MAP3K19: variants seen among roughly 807,000 people sequenced by gnomAD.
MAP3K19 encodes the protein SPS1/STE20-related protein kinase YSK4.
Under a neutral mutation model 114.4 loss-of-function variants are expected in MAP3K19, and 91 were observed. The ratio of observed to expected loss-of-function variants is 0.80; its 90% CI spans 0.67 to 0.95. The LOEUF (loss-of-function observed/expected upper bound fraction) is 0.95. Ranked by LOEUF, MAP3K19 falls within the 40% of genes least tolerant of loss-of-function variation. The pLI is 0.00. For missense variants in MAP3K19, 1,471 were observed against 1,573.2 expected, an observed-to-expected ratio of 0.94 and a Z score of 1.10; for synonymous variants, 518 against 530.5, an observed-to-expected ratio of 0.98 and a Z score of 0.32.
intron 12 of MAP3K19, among the ~76,000 whole-genome samples, chr2:134,968,529 C>T (rs1434517963): frequency 5.4e-5 from 8 of 149,316 alleles, no homozygotes; most frequent in Non-Finnish European, 8.9e-5. Context: ...GGCTGCCGGG[C>T]GGAGACGCTC....
intron 5 of MAP3K19, among the ~76,000 whole-genome samples, chr2:135,013,276 C>T (rs553767076): frequency 4.0e-5 from 6 of 150,706 alleles, no homozygotes; most frequent in Middle Eastern, 3.4e-3. Flanking sequence ...GCCAAGATCG[C>T]GCTCCAGCCT....
intron 2 of MAP3K19, among the ~76,000 whole-genome samples, chr2:135,038,378 C>T (rs1574058396): frequency 6.6e-6 from 1 of 151,992 alleles, no homozygotes; most frequent in Admixed American, 6.6e-5. Context: ...CTCAAGCAAT[C>T]CTCCCACCTC....
intron 9 of MAP3K19, among the ~76,000 whole-genome samples, chr2:134,990,291 T>C (rs529519468): frequency 4.8e-4 from 73 of 152,224 alleles, no homozygotes; most frequent in Non-Finnish European, 9.7e-4. Context: ...TATATGTGGA[T>C]TTTCTTCCTC....
rs1336392617 is a variant in MAP3K19, at chr2:134,987,592, G to A, written c.1280C>T (p.Ala427Val). 6.2e-7 allele frequency: 1 copy of A among 1,613,998 alleles called. No homozygotes were observed. The highest frequency in any genetic ancestry group is 1.1e-5 in the South Asian group (1 of 91,084). ...TTCTAAAATATTGTTTGGTTCCATT[G>A]CTTCATTTTTATGTAATGAAACTCT... ...SKRVSLHKNEAMEPNNILEEC... is the reference protein window; with the variant it reads ...SKRVSLHKNEVMEPNNILEEC... Residue 427 changes from alanine (A) to valine (V), a missense_variant, in exon 10 of 13, where the codon GCA becomes GTA. Physicochemically the swap from Ala to Val is moderately conservative, Grantham distance 64. Coordinates refer to ENST00000392915, the MANE Select transcript of MAP3K19 (RefSeq NM_025052.5).
chr2:135,033,282 G>T (rs1431192036), intron 2 of MAP3K19, among the ~76,000 whole-genome samples: 1 of 121,502 alleles, frequency 8.2e-6, no homozygotes, highest in African/African-American at 4.1e-5. Flanking sequence ...GCGGCTGGCC[G>T]GGCAGAGGGG....
At chr2:134,977,731 A>C (rs1340959467) in intron 12 of MAP3K19, among the ~76,000 whole-genome samples, 2 of 151,622 alleles carry the variant, frequency 1.3e-5, no homozygotes, top group African/African-American at 4.9e-5. Context: ...TCCTGCGCTC[A>C]ATCAGTTATT....
chr2:135,027,031 AG>A (rs1688270843), intron 3 of MAP3K19, among the ~76,000 whole-genome samples: 1 of 152,200 alleles, frequency 6.6e-6, no homozygotes, highest in Non-Finnish European at 1.5e-5. Context: ...GAGCAGCTTG[AG>A]GGCAGGGGTT....
chr2:135,004,155 TTA>T (rs1258249984), intron 6 of MAP3K19, among the ~76,000 whole-genome samples: 2 of 152,160 alleles, frequency 1.3e-5, no homozygotes, highest in African/African-American at 4.8e-5. Flanking sequence ...AAATGGTGAG[TTA>T]TCTCCATATG....
rs74529633 is a variant in MAP3K19 at position 134,965,686 on chromosome 2, T to A, written c.3921-770A>T. On this transcript the variant is annotated intron_variant, in intron 12 of 12. Coordinates refer to ENST00000392915, the MANE Select transcript of MAP3K19 (RefSeq NM_025052.5). ...CCTACCCGCTACATTGTGCAACCAC[T>A]TTCTTTATTGATATATAATGAGTAT... 1.7e-3 allele frequency among the ~76,000 whole-genome samples: 253 copies of A among 152,334 alleles called. 3 individuals are homozygous for A. Among genetic ancestry groups the A allele is most frequent in the South Asian group, 0.011 (53 of 4,832 alleles).
chr2:134,988,493 C>G (rs1017739092), intron 9 of MAP3K19, among the ~76,000 whole-genome samples: 7 of 152,084 alleles, frequency 4.6e-5, no homozygotes, highest in Admixed American at 3.9e-4. Flanking sequence ...TGGGCTCAAG[C>G]GATCCTCCCA....
rs867232828 is a variant in MAP3K19 at position 135,018,210 on chromosome 2, G to C, written c.138+3505C>G. 1.3e-4 allele frequency among the ~76,000 whole-genome samples: 18 copies of C among 137,634 alleles called. 1 individual carries two copies. In the South Asian group the frequency reaches 4.3e-3, roughly 33 times the overall value. The allele number at this position is 137,634 out of a possible 152,430, so 90.3% of individuals were successfully genotyped here. A position where few individuals can be genotyped will look rare whatever the true frequency, so the allele number is the denominator to read the frequency against. ...AGAGGCTGAGTTAGGACAATCACTT[G>C]AACCCGGGCAGCGGAGGTTGTGGTG... is the stretch of plus-strand genomic sequence containing the variant. On this transcript the variant is annotated intron_variant, in intron 5 of 12. Transcript: ENST00000392915.
intron 2 of MAP3K19, among the ~76,000 whole-genome samples, chr2:135,038,415 G>A (rs963165893): frequency 6.6e-6 from 1 of 152,068 alleles, no homozygotes; most frequent in South Asian, 2.1e-4. Flanking sequence ...GGGATTACAG[G>A]CCTGAGCCAC....
At position 134,988,008 on chromosome 2, in the gene MAP3K19, G is replaced by T; in HGVS notation, c.864C>A (p.Asn288Lys). ...RSSDGFIWSR[N>K]MCSFPKTNHH... ...GGTTAGTCTTAGGAAAAGAGCACAT[G>T]TTTCTTGACCAAATGAAGCCATCAG... The change falls in exon 10 of 13, where the codon AAC becomes AAA. Residue 288 changes from asparagine to lysine, a missense_variant. Transcript: ENST00000392915. 4 of 1,614,160 alleles carry T rather than the reference G, an allele frequency of 2.5e-6. No homozygotes were observed. The highest frequency in any genetic ancestry group is 3.4e-6 in the Non-Finnish European group (4 of 1,180,034).
At chr2:135,018,098 C>T (rs1007422395) in intron 5 of MAP3K19, among the ~76,000 whole-genome samples, 21 of 151,888 alleles carry the variant, frequency 1.4e-4, no homozygotes, top group Admixed American at 6.6e-5. Flanking sequence ...TCAAGACCAG[C>T]CTGACCAACA....
Position 134,987,205 on chromosome 2 carries a change from G to A in MAP3K19, c.1667C>T (p.Thr556Ile). The A allele has an allele frequency of 1.2e-6, 2 of 1,614,180 alleles. No homozygotes were observed. Among genetic ancestry groups the A allele is most frequent in the Non-Finnish European group, 1.7e-6 (2 of 1,180,018 alleles). ...KKTPQNFVIS[T>I]EGPIKPTMHK... Reference sequence around the variant, plus strand: ...CATGGTAGGCTTAATGGGACCTTCAGTAGAAATCACAAAATTCTGAGGTGT... The same window carrying A: ...CATGGTAGGCTTAATGGGACCTTCAATAGAAATCACAAAATTCTGAGGTGT... Residue 556 changes from threonine to isoleucine, a missense_variant, in exon 10 of 13, where the codon ACT (threonine) becomes ATT (isoleucine). Thr to Ile is a moderately conservative substitution (Grantham distance 89, BLOSUM62 -1). Transcript: ENST00000392915.
At chr2:135,023,508 G>T in intron 4 of MAP3K19, 1 of 533,428 alleles carries the variant, frequency 1.9e-6, no homozygotes, top group South Asian at 1.4e-5. Flanking sequence ...CTTGCTACTT[G>T]AAAGTTCCAA....
chr2:134,981,880 C>CTTTTTTTTTTTTTTTTTT (rs567597251), intron 11 of MAP3K19, among the ~76,000 whole-genome samples: 1 of 124,506 alleles, frequency 8.0e-6, no homozygotes. Flanking sequence ...GATTTCTTTT[C>CTTTTTTTTTTTTTTTTTT]TTTTTTTTTT....
intron 12 of MAP3K19, among the ~76,000 whole-genome samples, chr2:134,973,756 G>A (rs994426722): frequency 3.3e-5 from 5 of 152,036 alleles, no homozygotes; most frequent in South Asian, 4.1e-4. Flanking sequence ...TACCTCTTTT[G>A]TGTGGTTTCC....
chr2:135,044,953 T>A (rs1320347330), intron 1 of MAP3K19, among the ~76,000 whole-genome samples: 1 of 152,238 alleles, frequency 6.6e-6, no homozygotes. Flanking sequence ...TTAAGCTTTA[T>A]CCTTGTACTT....
Sources: allele counts gnomAD v4.1 joint callset (sites outside exome capture counted in the v4.1 genomes callset), GRCh38; gene constraint gnomAD v4.1.1; transcripts MANE v1.5; gene names NCBI Gene and HGNC (gene_info 2026-07-23, HGNC 2026-07-21).